Variants in THEMIS observed in about 807,000 individuals in gnomAD.
THEMIS encodes the protein protein THEMIS.
THEMIS carries 37 observed loss-of-function variants against 52.6 expected under a neutral mutation model. The ratio of observed to expected loss-of-function variants is 0.70; its 90% CI spans 0.54 to 0.93. The LOEUF is 0.93. THEMIS is among the 40% of genes least tolerant of loss of function. The pLI is 0.00. For synonymous variants in THEMIS, 292 were observed against 272.7 expected (o/e 1.07, Z -0.70); for missense variants, 808 against 763.1 (o/e 1.06, Z -0.69).
At chr6:127,700,397 G>T in the THEMIS span, among the ~76,000 whole-genome samples, 1 of 151,638 alleles carries the variant, frequency 6.6e-6, no homozygotes. Context: ...TAAACGTCAG[G>T]GTTATGTCTA....
intron 4 of THEMIS, among the ~76,000 whole-genome samples, chr6:127,769,986 T>G (rs1190056816): frequency 6.6e-6 from 1 of 152,222 alleles, no homozygotes; most frequent in Non-Finnish European, 1.5e-5. Context: ...TATTCCATGG[T>G]GTATATTTGC....
intron 3 of THEMIS, among the ~76,000 whole-genome samples, chr6:127,820,530 G>A (rs973762108): frequency 5.3e-5 from 8 of 152,044 alleles, no homozygotes; most frequent in African/African-American, 1.9e-4. Context: ...GCCAGGCTGA[G>A]GAATGTATAA....
intron 1 of THEMIS, among the ~76,000 whole-genome samples, chr6:127,899,882 G>A (rs189969725): frequency 3.7e-4 from 51 of 137,926 alleles, no homozygotes; most frequent in Admixed American, 3.2e-3. Context: ...TTCATCACCT[G>A]CAAGTATGTG....
rs940037033 is a variant in THEMIS, at chr6:127,882,953, A to G, written c.91+17889T>C. Reference sequence around the variant, plus strand: ...TGCTGTATGAACTCTCAGATGCATCAGATCCATAAGAGTCATGTTCATATA... The same window carrying G: ...TGCTGTATGAACTCTCAGATGCATCGGATCCATAAGAGTCATGTTCATATA... On this transcript the variant is annotated intron_variant, in intron 1 of 5. Coordinates refer to ENST00000368248, the MANE Select transcript of THEMIS (RefSeq NM_001010923.3). Among the ~76,000 whole-genome samples, 8 of 152,098 alleles carry G rather than the reference A, an allele frequency of 5.3e-5. 1 individual carries two copies. In the South Asian group the frequency reaches 1.0e-3, roughly 20 times the overall value.
intron 3 of THEMIS, among the ~76,000 whole-genome samples, chr6:127,820,706 G>A (rs556713414): frequency 6.6e-6 from 1 of 151,800 alleles, no homozygotes; most frequent in East Asian, 1.9e-4. Context: ...CCAATTTACT[G>A]GCAACCCAAT....
chr6:127,896,564 C>T (rs1780973535), intron 1 of THEMIS, among the ~76,000 whole-genome samples: 1 of 151,372 alleles, frequency 6.6e-6, no homozygotes, highest in South Asian at 2.1e-4. Context: ...TTCTCCAAAC[C>T]AAAGCACAGC....
chr6:127,756,752 C>T (rs1001948901), intron 4 of THEMIS, among the ~76,000 whole-genome samples: 4 of 152,140 alleles, frequency 2.6e-5, no homozygotes, highest in African/African-American at 9.7e-5. Flanking sequence ...TCAATTTGAA[C>T]TCCAAAATGC....
intron 4 of THEMIS, among the ~76,000 whole-genome samples, chr6:127,780,763 C>T (rs1313630918): frequency 6.6e-6 from 1 of 152,238 alleles, no homozygotes; most frequent in Admixed American, 6.5e-5. Flanking sequence ...GCAGAGAAAT[C>T]CACTGTTAGT....
chr6:127,730,321 A>AAGAAAAGAAAAGAAAAGAAAAC (rs1307352446), intron 4 of THEMIS, among the ~76,000 whole-genome samples: 1 of 61,516 alleles, frequency 1.6e-5, no homozygotes, highest in Non-Finnish European at 5.3e-5. Context: ...GAAAAGAGAA[A>AAGAAAAGAAAAGAAAAGAAAAC]AAAAGAAAAG....
intron 1 of THEMIS, among the ~76,000 whole-genome samples, chr6:127,873,910 T>G (rs755675230): frequency 6.6e-6 from 1 of 152,246 alleles, no homozygotes; most frequent in Non-Finnish European, 1.5e-5. Context: ...CATCATTTGT[T>G]TATAAGATCT....
chr6:127,820,144 T>A (rs1167711213), intron 3 of THEMIS, among the ~76,000 whole-genome samples: 2 of 152,090 alleles, frequency 1.3e-5, no homozygotes, highest in Non-Finnish European at 2.9e-5. Flanking sequence ...ACTAAAAATG[T>A]TTTTTACAGT....
At chr6:127,726,308 G>T (rs780295465) in intron 4 of THEMIS, among the ~76,000 whole-genome samples, 2 of 152,084 alleles carry the variant, frequency 1.3e-5, no homozygotes, top group Non-Finnish European at 2.9e-5. Flanking sequence ...TTCCCTAGTT[G>T]CTCTAATAAG....
intron 4 of THEMIS, among the ~76,000 whole-genome samples, chr6:127,789,177 A>C (rs1463598659): frequency 6.6e-6 from 1 of 152,194 alleles, no homozygotes; most frequent in African/African-American, 2.4e-5. Context: ...ACACAATAAA[A>C]AATGATAAAG....
At chr6:127,763,347 A>G (rs931707886) in intron 4 of THEMIS, among the ~76,000 whole-genome samples, 5 of 152,012 alleles carry the variant, frequency 3.3e-5, no homozygotes, top group Admixed American at 3.3e-4. Context: ...AAAAATCAAT[A>G]TTCGTGTTGT....
At chr6:127,737,993 G>A (rs982783682) in intron 4 of THEMIS, among the ~76,000 whole-genome samples, 2 of 152,086 alleles carry the variant, frequency 1.3e-5, no homozygotes, top group Non-Finnish European at 2.9e-5. Flanking sequence ...GTGACTCAGG[G>A]AGATACATCT....
At chr6:127,879,518 A>T (rs907372892) in intron 1 of THEMIS, among the ~76,000 whole-genome samples, 1 of 151,294 alleles carries the variant, frequency 6.6e-6, no homozygotes, top group Non-Finnish European at 1.5e-5. Flanking sequence ...AGAAAGTTTT[A>T]TTCTTCTCTT....
chr6:127,816,502 A>G (rs1385014387), intron 3 of THEMIS, among the ~76,000 whole-genome samples: 1 of 152,182 alleles, frequency 6.6e-6, no homozygotes, highest in East Asian at 1.9e-4. Context: ...TCCCAGACTC[A>G]GCTATTGGAA....
intron 4 of THEMIS, among the ~76,000 whole-genome samples, chr6:127,724,566 C>T (rs566458916): frequency 3.9e-5 from 6 of 152,118 alleles, no homozygotes; most frequent in Non-Finnish European, 5.9e-5. Context: ...CATCAGTCCT[C>T]TGTGACCACG....
chr6:127,914,124 A>G (rs1026065819), intron 1 of THEMIS, among the ~76,000 whole-genome samples: 1 of 152,300 alleles, frequency 6.6e-6, no homozygotes. Flanking sequence ...CAATATTTTT[A>G]ATAATTTTGT....
Sources: allele counts gnomAD v4.1 joint callset (sites outside exome capture counted in the v4.1 genomes callset), GRCh38; gene constraint gnomAD v4.1.1; transcripts MANE v1.5; gene names NCBI Gene and HGNC (gene_info 2026-07-23, HGNC 2026-07-21).